Variants in TMEM135 observed in about 807,000 individuals in gnomAD.
TMEM135 encodes the protein peroxisomal membrane protein 52.
Under a neutral mutation model 60.3 loss-of-function variants are expected in TMEM135, and 30 were observed. That is an observed-to-expected ratio of 0.50 (90% CI 0.37 to 0.68). TMEM135 has a LOEUF of 0.68. TMEM135 is among the 30% of genes least tolerant of loss of function. The probability of loss-of-function intolerance (pLI) is 0.00; values close to 1 mark genes in which losing one functional copy is unlikely to be tolerated. For synonymous variants in TMEM135, 190 were observed against 186.7 expected (o/e 1.02, Z -0.14); for missense variants, 468 against 548.8 (o/e 0.85, Z 1.47).
intron 6 of TMEM135, among the ~76,000 whole-genome samples, chr11:87,237,527 T>C (rs1158900269): frequency 1.3e-5 from 2 of 152,000 alleles, no homozygotes; most frequent in Non-Finnish European, 2.9e-5. Flanking sequence ...TAGATATATT[T>C]CTTTAAGAAT....
intron 5 of TMEM135, among the ~76,000 whole-genome samples, chr11:87,198,230 A>G (rs1257992548): frequency 6.6e-6 from 1 of 152,134 alleles, no homozygotes; most frequent in African/African-American, 2.4e-5. Context: ...TAGTTCCCAT[A>G]TTTGAGTAAG....
At chr11:87,180,415 T>TC (rs1431945987) in intron 5 of TMEM135, among the ~76,000 whole-genome samples, 3 of 152,006 alleles carry the variant, frequency 2.0e-5, no homozygotes, top group African/African-American at 7.3e-5. Flanking sequence ...TATGAGTGTG[T>TC]GTGGAGGCAA....
chr11:87,078,013 C>T (rs1856909608), intron 3 of TMEM135, among the ~76,000 whole-genome samples: 1 of 152,110 alleles, frequency 6.6e-6, no homozygotes, highest in African/African-American at 2.4e-5. Context: ...TGTCCCACTT[C>T]TTGGTTATGA....
intron 5 of TMEM135, among the ~76,000 whole-genome samples, chr11:87,211,958 GA>G (rs1940381120): frequency 6.6e-6 from 1 of 151,676 alleles, no homozygotes; most frequent in African/African-American, 2.4e-5. Context: ...AAAAAAATAA[GA>G]AAAAAGAAAA....
At chr11:87,135,470 G>T (rs1938064710) in intron 4 of TMEM135, among the ~76,000 whole-genome samples, 1 of 147,070 alleles carries the variant, frequency 6.8e-6, no homozygotes, top group African/African-American at 2.5e-5. Context: ...AAATGTTCTA[G>T]CACCATTTAT....
At chr11:87,187,985 T>G (rs471929) in intron 5 of TMEM135, among the ~76,000 whole-genome samples, 20,151 of 152,176 alleles carry the variant, frequency 0.13, 1,369 homozygotes, top group Non-Finnish European at 0.15. Flanking sequence ...TGTTTAGAAA[T>G]AGTGTTTTGT....
chr11:87,116,575 T>TTGA (rs5793237), intron 4 of TMEM135, among the ~76,000 whole-genome samples: 71,998 of 151,432 alleles, frequency 0.48, 17,380 homozygotes, highest in East Asian at 0.67. Context: ...TTGGTATAAA[T>TTGA]TGATTAATAT....
At chr11:87,276,466 A>G (rs895709667) in intron 6 of TMEM135, among the ~76,000 whole-genome samples, 1 of 151,832 alleles carries the variant, frequency 6.6e-6, no homozygotes, top group Non-Finnish European at 1.5e-5. Context: ...TTAGACTTTT[A>G]GCCAATTTTG....
intron 3 of TMEM135, 136 bp downstream of exon 3, chr11:87,071,751 A>G: frequency 2.0e-6 from 1 of 496,768 alleles, no homozygotes; most frequent in South Asian, 3.7e-5. Flanking sequence ...CAGATATTTA[A>G]TTGAAAATTA....
intron 1 of TMEM135, among the ~76,000 whole-genome samples, chr11:87,059,924 C>T (rs932342749): frequency 1.3e-5 from 2 of 151,988 alleles, no homozygotes; most frequent in Non-Finnish European, 2.9e-5. Context: ...GACCAGCCTG[C>T]ATAAAATGGT....
chr11:87,066,762 T>A (rs1856667721), intron 1 of TMEM135, among the ~76,000 whole-genome samples: 2 of 151,410 alleles, frequency 1.3e-5, no homozygotes, highest in Admixed American at 6.6e-5. Flanking sequence ...GATACATACT[T>A]GTGTTGTTAC....
chr11:87,235,723 A>T (rs1043292180), intron 5 of TMEM135, among the ~76,000 whole-genome samples: 2 of 151,878 alleles, frequency 1.3e-5, no homozygotes, highest in African/African-American at 4.8e-5. Flanking sequence ...CTACAATTTT[A>T]ATTTTTGTGA....
chr11:87,061,794 G>A (rs150712069), intron 1 of TMEM135, among the ~76,000 whole-genome samples: 255 of 152,298 alleles, frequency 1.7e-3, no homozygotes, highest in South Asian at 0.011. Context: ...AATGTATATA[G>A]TGCTGATGGA....
chr11:87,309,727 T>G, intron 10 of TMEM135, 55 bp downstream of exon 10: 1 of 1,579,028 alleles, frequency 6.3e-7, no homozygotes, highest in Admixed American at 1.7e-5. Context: ...TTGCTATTGT[T>G]AGAATGAGAG....
At chr11:87,237,211 G>A (rs1261740725) in intron 6 of TMEM135, among the ~76,000 whole-genome samples, 2 of 151,984 alleles carry the variant, frequency 1.3e-5, no homozygotes, top group Non-Finnish European at 2.9e-5. Context: ...GGGGAAGAGT[G>A]TTAGGATGGC....
At chr11:87,195,319 T>G (rs1388465422) in intron 5 of TMEM135, among the ~76,000 whole-genome samples, 4 of 6,646 alleles carry the variant, frequency 6.0e-4, no homozygotes, top group East Asian at 5.6e-3. Flanking sequence ...TTCTCTTTCC[T>G]TCCTTCCTTC....
intron 6 of TMEM135, among the ~76,000 whole-genome samples, chr11:87,279,033 T>C (rs1355992551): frequency 6.6e-6 from 1 of 152,204 alleles, no homozygotes; most frequent in Non-Finnish European, 1.5e-5. Flanking sequence ...ATTAGTAGTT[T>C]GTTCTTCTTT....
At chr11:87,144,285 G>A (rs1591052963) in intron 4 of TMEM135, among the ~76,000 whole-genome samples, 3 of 152,214 alleles carry the variant, frequency 2.0e-5, no homozygotes, top group Admixed American at 6.5e-5. Context: ...CGGTGTTTTT[G>A]TGTTAAATTA....
intron 5 of TMEM135, among the ~76,000 whole-genome samples, chr11:87,229,929 T>C (rs752546294): frequency 1.3e-5 from 2 of 152,162 alleles, no homozygotes; most frequent in African/African-American, 4.8e-5. Flanking sequence ...GTTTAACAGC[T>C]TTTTTGAGGT....
Sources: gnomAD v4.1 joint callset for allele counts (sites outside exome capture counted in the v4.1 genomes callset) on GRCh38, gnomAD v4.1.1 for gene constraint, MANE v1.5 for transcripts, NCBI Gene and HGNC (gene_info 2026-07-23, HGNC 2026-07-21) for gene names.